CLPP: variants seen among roughly 807,000 people sequenced by gnomAD.
The protein encoded by CLPP is caseinolytic mitochondrial matrix peptidase proteolytic subunit, also known as ATP-dependent Clp protease proteolytic subunit, mitochondrial.
In CLPP, 14 loss-of-function variants were observed where a neutral mutation model predicts 27.4. The ratio of observed to expected loss-of-function variants is 0.51; its 90% CI spans 0.34 to 0.80. The LOEUF is 0.80. Ranked by LOEUF, CLPP falls within the 30% of genes least tolerant of loss-of-function variation. The pLI is 0.02. For missense variants in CLPP, 361 were observed against 403.6 expected (o/e 0.89, Z 0.90); for synonymous variants, 193 against 166.6 (o/e 1.16, Z -1.22).
chr19:6,366,850 C>G (rs1414698445), intron 5 of CLPP, among the ~76,000 whole-genome samples: 1 of 151,900 alleles, frequency 6.6e-6, no homozygotes, highest in African/African-American at 2.4e-5. Flanking sequence ...AGGCTGGTCT[C>G]AAACTCGTGA....
chr19:6,366,882 C>T (rs1029003611), intron 5 of CLPP, among the ~76,000 whole-genome samples: 4 of 151,834 alleles, frequency 2.6e-5, no homozygotes, highest in African/African-American at 4.8e-5. Flanking sequence ...CCAGCTGCCT[C>T]AGCCTCCCAA....
chr19:6,365,258 C>G (rs1159184696), intron 4 of CLPP: 1 of 151,660 alleles, frequency 6.6e-6, no homozygotes, highest in Non-Finnish European at 1.5e-5. Context: ...GCAGGTGGAT[C>G]ATTTGAGGTC....
chr19:6,361,734 C>A lies in CLPP; in HGVS notation c.160C>A (p.Arg54=). 1.3e-6 allele frequency: 2 copies of A among 1,502,296 alleles called. No homozygotes were observed. Among genetic ancestry groups the A allele is most frequent in the Non-Finnish European group, 1.8e-6 (2 of 1,128,850 alleles). 93.1% of individuals were successfully genotyped at this position (1,502,296 alleles called of 1,614,324 possible). ...GCGGTGCCTGCACGCGACGGCGACCCGGGCTCTCCCGCTCATTCCCATCGT... is the reference window on the plus strand; with the variant it reads ...GCGGTGCCTGCACGCGACGGCGACCAGGGCTCTCCCGCTCATTCCCATCGT... The part of the protein sequence containing the change: ...LQRCLHATAT[R]ALPLIPIVVE... Residue 54 remains arginine (R), a synonymous_variant, in exon 1 of 6, where the codon CGG becomes AGG. Coordinates refer to ENST00000245816, the MANE Select transcript of CLPP (RefSeq NM_006012.4).
intron 4 of CLPP, 36 bp from the exon 5 acceptor site, chr19:6,366,222 A>G: frequency 6.7e-7 from 1 of 1,483,974 alleles, no homozygotes; most frequent in Non-Finnish European, 9.3e-7. Context: ...CGCCGATACC[A>G]ACCTTTACCC....
chr19:6,367,678 C>T (rs1022572119), intron 5 of CLPP, among the ~76,000 whole-genome samples: 29 of 151,286 alleles, frequency 1.9e-4, no homozygotes, highest in African/African-American at 6.1e-4. Context: ...CAGACATTTA[C>T]GAATCATGCC....
chr19:6,363,822 G>A (rs1599194367), intron 3 of CLPP, among the ~76,000 whole-genome samples: 1 of 151,094 alleles, frequency 6.6e-6, no homozygotes, highest in Non-Finnish European at 1.5e-5. Context: ...ATAAACCCGG[G>A]AGGTGGAGGT....
intron 3 of CLPP, among the ~76,000 whole-genome samples, chr19:6,362,946 C>T (rs62106649): frequency 0.11 from 17,236 of 151,858 alleles, 1,334 homozygotes; most frequent in East Asian, 0.39. Flanking sequence ...AAAGATTAGC[C>T]GGGCAATGTG....
Position 6,361,868 on chromosome 19 carries a change from G to A in CLPP, c.199-1G>A. 1 of 1,597,354 alleles carries A rather than the reference G, an allele frequency of 6.3e-7. No homozygotes were observed. ...CCTCACCTCCATCTTTCTACCCCCAGGGTCGCGGCGAGCGCGCCTATGACA... is the reference window on the plus strand; with the variant it reads ...CCTCACCTCCATCTTTCTACCCCCAAGGTCGCGGCGAGCGCGCCTATGACA... On this transcript the variant is annotated splice_acceptor_variant, in intron 1 of 5. Transcript: ENST00000245816. LOFTEE classifies it high-confidence loss of function.
intron 4 of CLPP, among the ~76,000 whole-genome samples, chr19:6,365,451 A>G (rs2091857470): frequency 6.6e-6 from 1 of 152,136 alleles, no homozygotes; most frequent in South Asian, 2.1e-4. Context: ...TCAAGCCTGG[A>G]TGACAGAGCA....
At chr19:6,364,729 A>ATTT in intron 4 of CLPP, 90 bp downstream of exon 4, 1 of 946,274 alleles carries the variant, frequency 1.1e-6, no homozygotes, top group Non-Finnish European at 1.5e-6. Context: ...GTGGGAGGGG[A>ATTT]TGTTTTTTTT....
At chr19:6,364,247 G>C (rs1468851936) in intron 3 of CLPP, among the ~76,000 whole-genome samples, 1 of 151,942 alleles carries the variant, frequency 6.6e-6, no homozygotes, top group Non-Finnish European at 1.5e-5. Context: ...AGCCAGGATG[G>C]TCTTGATTTC....
chr19:6,361,730 G>A lies in CLPP; in HGVS notation c.156G>A (p.Ala52=), dbSNP rs1238231671. The A allele has an allele frequency of 2.6e-6, 4 of 1,510,052 alleles. No individual in the cohort carries two copies. The East Asian group carries it at 9.8e-5, about 37-fold the overall frequency. The allele number at this position is 1,510,052 out of a possible 1,614,324, so 93.5% of individuals were successfully genotyped here. A position where few individuals can be genotyped will look rare whatever the true frequency, so the allele number is the denominator to read the frequency against. ...LALQRCLHAT[A]TRALPLIPIV... ...TGCAGCGGTGCCTGCACGCGACGGC[G>A]ACCCGGGCTCTCCCGCTCATTCCCA... The change falls in exon 1 of 6, where the codon GCG becomes GCA. Residue 52 remains alanine, a synonymous_variant. Coordinates refer to ENST00000245816, the MANE Select transcript of CLPP (RefSeq NM_006012.4).
intron 5 of CLPP, among the ~76,000 whole-genome samples, chr19:6,367,439 G>A (rs2091868264): frequency 6.6e-6 from 1 of 150,572 alleles, no homozygotes; most frequent in Non-Finnish European, 1.5e-5. Flanking sequence ...CAAATATGTT[G>A]CATGAAAGAA....
At chr19:6,367,612 C>T (rs2091869093) in intron 5 of CLPP, among the ~76,000 whole-genome samples, 1 of 151,946 alleles carries the variant, frequency 6.6e-6, no homozygotes, top group Non-Finnish European at 1.5e-5. Flanking sequence ...ATTATTCCAT[C>T]TCTTGGTCTG....
At chr19:6,364,398 G>C in intron 3 of CLPP, 54 bp from the exon 4 acceptor site, 1 of 1,529,402 alleles carries the variant, frequency 6.5e-7, no homozygotes, top group Admixed American at 1.9e-5. Flanking sequence ...AGATGGAATA[G>C]GGAAAGGGTC....
Position 6,369,101 on chromosome 19 carries a change from A to G in CLPP, c.*391A>G, listed in dbSNP as rs973354422. ...AAGAAACCCTCCTCAAAAGAGCTCC[A>G]TTCTTGTGGCAGTAGACAGTTACTA... On this transcript the variant is annotated 3_prime_UTR_variant, in exon 6 of 6. Transcript: ENST00000245816. Among the ~76,000 whole-genome samples the G allele has an allele frequency of 1.8e-4, 27 of 152,112 alleles. No individual in the cohort carries two copies. The highest frequency in any genetic ancestry group is 6.3e-4 in the African/African-American group (26 of 41,432).
intron 4 of CLPP, 66 bp from the exon 5 acceptor site, chr19:6,366,192 G>A (rs1028663059): frequency 1.1e-4 from 120 of 1,119,998 alleles, no homozygotes; most frequent in Non-Finnish European, 1.5e-4. Flanking sequence ...GCCACCTCCA[G>A]CCTCCCTGTG....
chr19:6,362,431 C>T lies in CLPP; in HGVS notation c.271-15C>T. 2.5e-6 allele frequency: 4 copies of T among 1,599,538 alleles called. No individual in the cohort carries two copies. Among genetic ancestry groups the T allele is most frequent in the Non-Finnish European group, 3.4e-6 (4 of 1,166,728 alleles). On this transcript the variant is annotated splice_polypyrimidine_tract_variant and intron_variant, in intron 2 of 5. Transcript: ENST00000245816. ...ACCCCGAATCTGGGGACACCCCTGC[C>T]CTCTCCACCTGCAGATCGATGACAG...
chr19:6,363,716 G>A (rs2091847591), intron 3 of CLPP, among the ~76,000 whole-genome samples: 1 of 151,744 alleles, frequency 6.6e-6, no homozygotes, highest in Admixed American at 6.6e-5. Flanking sequence ...TGGCCAACGT[G>A]GTGAAATCCC....
Sources: gnomAD v4.1 joint callset for allele counts (sites outside exome capture counted in the v4.1 genomes callset) on GRCh38, gnomAD v4.1.1 for gene constraint, MANE v1.5 for transcripts, NCBI Gene and HGNC (gene_info 2026-07-23, HGNC 2026-07-21) for gene names.